DHRSX: variants seen among roughly 807,000 people sequenced by gnomAD.
DHRSX encodes dehydrogenase/reductase X-linked, also known as polyprenol dehydrogenase.
Under a neutral mutation model 34.0 loss-of-function variants are expected in DHRSX, and 31 were observed. The observed-to-expected ratio is 0.91, with a 90% confidence interval of 0.69 to 1.23. DHRSX has a LOEUF of 1.23. Among genes scored for constraint, DHRSX ranks in the 50% most tolerant of loss-of-function variants. DHRSX has a pLI of 0.00. For missense variants in DHRSX, 414 were observed against 428.1 expected, an observed-to-expected ratio of 0.97 and a Z score of 0.29; for synonymous variants, 201 against 183.8, an observed-to-expected ratio of 1.09 and a Z score of -0.76.
At chrX:2,497,070 GTCC>G (rs1460161483) in intron 1 of DHRSX, among the ~76,000 whole-genome samples, 1 of 152,036 alleles carries the variant, frequency 6.6e-6, no homozygotes, top group African/African-American at 2.4e-5. Flanking sequence ...ACTGTCTGGG[GTCC>G]TCATTTTTTT....
intron 4 of DHRSX, among the ~76,000 whole-genome samples, chrX:2,289,122 ATTT>A (rs752457468): frequency 2.1e-5 from 3 of 142,936 alleles, no homozygotes; most frequent in Admixed American, 7.0e-5. Context: ...GACATTCCTA[ATTT>A]TTTTTTTTTT....
rs139274883 is a variant in DHRSX at position 2,259,449 on chromosome X, A to G, written c.596+7291T>C. Among the ~76,000 whole-genome samples the G allele has an allele frequency of 8.9e-3, 1,338 of 150,224 alleles. 18 individuals carry two copies. Among genetic ancestry groups the G allele is most frequent in the African/African-American group, 0.031 (1,268 of 41,166 alleles). On this transcript the variant is annotated intron_variant, in intron 5 of 6. Transcript: ENST00000334651. ...TAAATTAAAATAAAAACAATACAAT[A>G]CAAATAAATAAACAAAAAATGTTAG... is the stretch of plus-strand genomic sequence containing the variant.
intron 1 of DHRSX, among the ~76,000 whole-genome samples, chrX:2,467,860 G>A (rs1042256096): frequency 6.6e-6 from 1 of 151,472 alleles, no homozygotes; most frequent in Non-Finnish European, 1.5e-5. Flanking sequence ...CGTACTCCCA[G>A]CCACTCAGGA....
chrX:2,445,426 C>T (rs939973863), intron 1 of DHRSX, among the ~76,000 whole-genome samples: 1 of 151,234 alleles, frequency 6.6e-6, no homozygotes, highest in Non-Finnish European at 1.5e-5. Flanking sequence ...GAAAATTTAT[C>T]AATCAAGAAA....
At chrX:2,390,158 T>A (rs1242717001) in intron 3 of DHRSX, among the ~76,000 whole-genome samples, 1 of 151,314 alleles carries the variant, frequency 6.6e-6, no homozygotes, top group Non-Finnish European at 1.5e-5. Flanking sequence ...TTTTTTTTTT[T>A]TTTTAATGGA....
intron 5 of DHRSX, among the ~76,000 whole-genome samples, chrX:2,251,143 CA>C (rs2016426333): frequency 6.6e-6 from 1 of 152,128 alleles, no homozygotes; most frequent in Non-Finnish European, 1.5e-5. Context: ...AGCCACATGC[CA>C]AAATCTGACA....
chrX:2,316,218 C>T (rs1461031862), intron 3 of DHRSX, among the ~76,000 whole-genome samples: 3 of 151,844 alleles, frequency 2.0e-5, no homozygotes, highest in African/African-American at 7.3e-5. Context: ...TGCTGTGACA[C>T]CCTCAGCAAC....
intron 3 of DHRSX, among the ~76,000 whole-genome samples, chrX:2,400,729 T>C (rs2043475243): frequency 6.6e-6 from 1 of 152,164 alleles, no homozygotes; most frequent in Non-Finnish European, 1.5e-5. Context: ...AGAGCTCTCT[T>C]ACTGACAACA....
At chrX:2,389,157 A>G (rs1426855820) in intron 3 of DHRSX, among the ~76,000 whole-genome samples, 1 of 152,190 alleles carries the variant, frequency 6.6e-6, no homozygotes, top group Non-Finnish European at 1.5e-5. Context: ...CGCTTCTGCC[A>G]TGAGAATCAG....
At chrX:2,398,703 T>C (rs1038911547) in intron 3 of DHRSX, among the ~76,000 whole-genome samples, 5 of 144,030 alleles carry the variant, frequency 3.5e-5, no homozygotes, top group African/African-American at 1.3e-4. Context: ...GGACTCTCGC[T>C]GTGTCACCTA....
intron 1 of DHRSX, among the ~76,000 whole-genome samples, chrX:2,499,727 C>T (rs1439213747): frequency 6.6e-6 from 1 of 152,116 alleles, no homozygotes; most frequent in Non-Finnish European, 1.5e-5. Flanking sequence ...GGCAACGTAG[C>T]AAGACCCTAT....
chrX:2,455,752 A>AC (rs887427598), intron 1 of DHRSX, among the ~76,000 whole-genome samples: 1 of 151,664 alleles, frequency 6.6e-6, no homozygotes. Flanking sequence ...AAAAAAAAAA[A>AC]AAAAAAAAAC....
intron 3 of DHRSX, among the ~76,000 whole-genome samples, chrX:2,359,685 AAAAG>A (rs1159764242): frequency 1.5e-4 from 23 of 152,178 alleles, no homozygotes; most frequent in South Asian, 1.4e-3. Flanking sequence ...ATATCAAAAA[AAAAG>A]AAAGAAAGAA....
At chrX:2,300,930 C>T (rs2042001322) in intron 3 of DHRSX, among the ~76,000 whole-genome samples, 1 of 152,138 alleles carries the variant, frequency 6.6e-6, no homozygotes, top group African/African-American at 2.4e-5. Context: ...TATGCAATTT[C>T]CCAGTGCCCA....
At chrX:2,283,089 T>C (rs375162557) in intron 4 of DHRSX, among the ~76,000 whole-genome samples, 5 of 151,240 alleles carry the variant, frequency 3.3e-5, no homozygotes, top group South Asian at 2.1e-4. Context: ...GAGAAAAGCA[T>C]TTGAGTAACT....
chrX:2,332,020 A>G (rs1370064886), intron 3 of DHRSX, among the ~76,000 whole-genome samples: 2 of 152,178 alleles, frequency 1.3e-5, no homozygotes, highest in Admixed American at 1.3e-4. Context: ...GTTTACCAAT[A>G]AAGTATGCTT....
intron 1 of DHRSX, among the ~76,000 whole-genome samples, chrX:2,498,838 G>A (rs2124144559): frequency 6.6e-6 from 1 of 152,258 alleles, no homozygotes; most frequent in South Asian, 2.1e-4. Context: ...TTGTTCAGCA[G>A]CTGTAAACCG....
intron 1 of DHRSX, among the ~76,000 whole-genome samples, chrX:2,441,379 G>A (rs778613612): frequency 6.6e-6 from 1 of 152,288 alleles, no homozygotes; most frequent in African/African-American, 2.4e-5. Context: ...TTCCCTGGAT[G>A]CTATGTCTCT....
intron 3 of DHRSX, among the ~76,000 whole-genome samples, chrX:2,343,086 G>A (rs924656940): frequency 2.0e-5 from 3 of 151,942 alleles, no homozygotes; most frequent in African/African-American, 7.3e-5. Context: ...AGATAAACCC[G>A]TCTCCGACCA....
Sources: allele counts gnomAD v4.1 joint callset (sites outside exome capture counted in the v4.1 genomes callset), GRCh38; gene constraint gnomAD v4.1.1; transcripts MANE v1.5; gene names NCBI Gene and HGNC (gene_info 2026-07-23, HGNC 2026-07-21).